Variants in SH3GL2 observed in about 807,000 individuals in gnomAD.
SH3GL2 encodes SH3 domain containing GRB2 like 2, endophilin A1, also known as endophilin-A1.
Under a neutral mutation model 46.0 loss-of-function variants are expected in SH3GL2, and 24 were observed. The observed-to-expected ratio is 0.52, with a 90% confidence interval of 0.38 to 0.73. The LOEUF (loss-of-function observed/expected upper bound fraction) is 0.73. SH3GL2 is among the 30% of genes least tolerant of loss of function. The pLI is 0.00. For synonymous variants in SH3GL2, 196 were observed against 147.1 expected (o/e 1.33, Z -2.40); for missense variants, 413 against 424.2 (o/e 0.97, Z 0.23).
chr9:17,611,718 A>T (rs537153577), intron 1 of SH3GL2, among the ~76,000 whole-genome samples: 6 of 152,076 alleles, frequency 3.9e-5, no homozygotes, highest in Non-Finnish European at 7.4e-5. Flanking sequence ...CAGTCTTCTT[A>T]CTCTGGGGGC....
chr9:17,647,791 A>T (rs777716485), intron 1 of SH3GL2, among the ~76,000 whole-genome samples: 1 of 152,190 alleles, frequency 6.6e-6, no homozygotes, highest in Non-Finnish European at 1.5e-5. Flanking sequence ...TTTAAATTGG[A>T]CTGTGAAAGT....
intron 1 of SH3GL2, among the ~76,000 whole-genome samples, chr9:17,595,958 A>G (rs181181008): frequency 6.6e-6 from 1 of 152,214 alleles, no homozygotes; most frequent in East Asian, 1.9e-4. Context: ...TAGTGTTTCT[A>G]TATTTTCTTT....
At chr9:17,656,147 A>G (rs1389566425) in intron 1 of SH3GL2, among the ~76,000 whole-genome samples, 5 of 152,084 alleles carry the variant, frequency 3.3e-5, no homozygotes, top group South Asian at 2.1e-4. Flanking sequence ...TTTATTTTCT[A>G]TGTAAATTGT....
chr9:17,630,414 C>G (rs1037628204), intron 1 of SH3GL2: 1 of 152,192 alleles, frequency 6.6e-6, no homozygotes, highest in African/African-American at 2.4e-5. Flanking sequence ...CTTCTGGATA[C>G]GGCTCTGGTT....
chr9:17,737,821 C>G (rs1239150534), intron 1 of SH3GL2, among the ~76,000 whole-genome samples: 1 of 152,078 alleles, frequency 6.6e-6, no homozygotes, highest in Non-Finnish European at 1.5e-5. Context: ...GCTCTGGCAA[C>G]ACACTCTCCT....
chr9:17,610,807 T>C lies in SH3GL2; in HGVS notation c.45+31520T>C, dbSNP rs183829968. On this transcript the variant is annotated intron_variant, in intron 1 of 8. Transcript: ENST00000380607. ...CAGAAATTGAACTGTGATTAAAAAATAGGGCAGTGCCCCCTCAAAATGAGA... is the reference window on the plus strand; with the variant it reads ...CAGAAATTGAACTGTGATTAAAAAACAGGGCAGTGCCCCCTCAAAATGAGA... Among the ~76,000 whole-genome samples, 9 of 152,242 alleles carry C rather than the reference T, an allele frequency of 5.9e-5. No homozygotes were observed. The East Asian group carries it at 1.5e-3, about 26-fold the overall frequency.
intron 1 of SH3GL2, among the ~76,000 whole-genome samples, chr9:17,635,351 A>T (rs1819518819): frequency 6.6e-6 from 1 of 152,124 alleles, no homozygotes; most frequent in Admixed American, 6.5e-5. Context: ...TCCATGTTGT[A>T]TATGTACCAC....
chr9:17,723,589 A>G (rs981866748), intron 1 of SH3GL2, among the ~76,000 whole-genome samples: 7 of 152,126 alleles, frequency 4.6e-5, no homozygotes, highest in African/African-American at 1.2e-4. Flanking sequence ...CCTCTATTTA[A>G]CCTTTAATGG....
intron 1 of SH3GL2, among the ~76,000 whole-genome samples, chr9:17,692,285 T>A (rs1821101690): frequency 6.6e-6 from 1 of 151,950 alleles, no homozygotes; most frequent in Non-Finnish European, 1.5e-5. Context: ...ATTTGCTTTT[T>A]TTTTTTTGCC....
chr9:17,595,733 A>G (rs1818557748), intron 1 of SH3GL2, among the ~76,000 whole-genome samples: 1 of 152,192 alleles, frequency 6.6e-6, no homozygotes, highest in African/African-American at 2.4e-5. Flanking sequence ...GCAGTAGGGA[A>G]ACATTCATGA....
At position 17,761,478 on chromosome 9, in the gene SH3GL2, T is replaced by C; in HGVS notation, c.156T>C (p.Thr52=). ...GCAGGGCTGTGATGGAAATAATGAC[T>C]AAAACAATTGAATACCTTCAACCCA... ...VTSRAVMEIM[T]KTIEYLQPNP... Residue 52 remains threonine, a synonymous_variant, in exon 3 of 9, where the codon ACT becomes ACC. Transcript: ENST00000380607. 1 of 1,606,914 alleles carries C rather than the reference T, an allele frequency of 6.2e-7. No homozygotes were observed. Among genetic ancestry groups the C allele is most frequent in the Non-Finnish European group, 8.5e-7 (1 of 1,173,388 alleles).
intron 3 of SH3GL2, among the ~76,000 whole-genome samples, chr9:17,773,431 CTA>C (rs1823549603): frequency 6.6e-6 from 1 of 152,034 alleles, no homozygotes; most frequent in African/African-American, 2.4e-5. Context: ...TCTAAGAGTT[CTA>C]GAGTTTTAGA....
At chr9:17,785,678 T>C (rs886234046) in intron 3 of SH3GL2, among the ~76,000 whole-genome samples, 1 of 152,148 alleles carries the variant, frequency 6.6e-6, no homozygotes, top group African/African-American at 2.4e-5. Flanking sequence ...AACACTGGAA[T>C]TGGTTTCTAG....
chr9:17,609,082 G>C lies in SH3GL2; in HGVS notation c.45+29795G>C, dbSNP rs1158324070. ...CTGATGAAGGCATGGTCCTGGCTCT[G>C]CTTTGTCCAGCTAGTGACAATGTTA... On this transcript the variant is annotated intron_variant, in intron 1 of 8. Transcript: ENST00000380607. Among the ~76,000 whole-genome samples, 8 of 152,162 alleles carry C rather than the reference G, an allele frequency of 5.3e-5. No individual in the cohort carries two copies. The South Asian group carries it at 8.3e-4, about 16-fold the overall frequency.
At chr9:17,730,503 G>A (rs2118411211) in intron 1 of SH3GL2, among the ~76,000 whole-genome samples, 1 of 152,210 alleles carries the variant, frequency 6.6e-6, no homozygotes, top group South Asian at 2.1e-4. Context: ...ATGTTGAATA[G>A]GAGTGGTGAG....
Position 17,793,406 on chromosome 9 carries a change from A to G in SH3GL2, c.768A>G (p.Gln256=), listed in dbSNP as rs765990724. The G allele has an allele frequency of 1.9e-6, 3 of 1,613,004 alleles. No homozygotes were observed. Among genetic ancestry groups the G allele is most frequent in the East Asian group, 2.2e-5 (1 of 44,802 alleles). ...QASSQPRREY[Q]PKPRMSLEFP... ...CATCTCAGCCTAGAAGGGAATATCAACCTAAACCACGAATGAGCCTGGAGT... is the reference window on the plus strand; with the variant it reads ...CATCTCAGCCTAGAAGGGAATATCAGCCTAAACCACGAATGAGCCTGGAGT... The change falls in exon 8 of 9, where the codon CAA becomes CAG. Residue 256 remains glutamine, a synonymous_variant. Transcript: ENST00000380607.
At chr9:17,778,290 A>G (rs540364343) in intron 3 of SH3GL2, among the ~76,000 whole-genome samples, 1 of 152,278 alleles carries the variant, frequency 6.6e-6, no homozygotes, top group South Asian at 2.1e-4. Flanking sequence ...CTGGGCATGT[A>G]TGAGTGAATG....
At chr9:17,681,649 A>G (rs1035837126) in intron 1 of SH3GL2, among the ~76,000 whole-genome samples, 1 of 152,206 alleles carries the variant, frequency 6.6e-6, no homozygotes, top group Non-Finnish European at 1.5e-5. Flanking sequence ...ATGGGAAAAG[A>G]CTTCATGACA....
chr9:17,650,059 C>A (rs960246865), intron 1 of SH3GL2, among the ~76,000 whole-genome samples: 5 of 152,128 alleles, frequency 3.3e-5, no homozygotes, highest in African/African-American at 4.8e-5. Context: ...GGATATCTTC[C>A]CTGGAGAGAG....
Sources: gnomAD v4.1 joint callset for allele counts (sites outside exome capture counted in the v4.1 genomes callset) on GRCh38, gnomAD v4.1.1 for gene constraint, MANE v1.5 for transcripts, NCBI Gene and HGNC (gene_info 2026-07-23, HGNC 2026-07-21) for gene names.